GJB7: variants seen among roughly 807,000 people sequenced by gnomAD.
GJB7 encodes gap junction beta-7 protein.
For missense variants in GJB7, 253 were observed against 256.8 expected, an observed-to-expected ratio of 0.99 and a Z score of 0.10; for synonymous variants, 87 against 95.2, an observed-to-expected ratio of 0.91 and a Z score of 0.50.
At chr6:87,320,228 CTGA>C (rs765973673) in intron 2 of GJB7, among the ~76,000 whole-genome samples, 34 of 152,030 alleles carry the variant, frequency 2.2e-4, no homozygotes, top group Non-Finnish European at 4.4e-4. Context: ...CCCATTTACC[CTGA>C]TGTGATTATT....
intron 1 of GJB7, among the ~76,000 whole-genome samples, chr6:87,325,116 T>G (rs914016961): frequency 5.9e-5 from 9 of 152,220 alleles, no homozygotes; most frequent in Non-Finnish European, 1.2e-4. Flanking sequence ...ACATTGATTT[T>G]GTATCCTGAG....
intron 2 of GJB7, among the ~76,000 whole-genome samples, chr6:87,315,816 A>G (rs1022669674): frequency 6.7e-6 from 1 of 148,788 alleles, no homozygotes; most frequent in Admixed American, 6.7e-5. Flanking sequence ...AAAAAAAAAA[A>G]GAAAGAAAGA....
At position 87,283,999 on chromosome 6, in the gene GJB7, A is replaced by C. The variant is rs16878911; in HGVS notation, c.*242T>G. On this transcript the variant is annotated 3_prime_UTR_variant, in exon 3 of 3. Transcript: ENST00000525899. The stretch of plus-strand genomic sequence containing the variant: ...ACCTCTGTCTAGAGCTCATAACTGA[A>C]AGCATATTGACAATGTAAAAAAATT... The C allele has an allele frequency of 3.4e-3, 1,629 of 473,472 alleles. 27 individuals carry two copies. The highest frequency in any genetic ancestry group is 0.026 in the African/African-American group (1,379 of 52,040). The allele number at this position is 473,472 out of a possible 1,614,324, so 29.3% of individuals were successfully genotyped here.
chr6:87,284,470 C>G lies in GJB7; in HGVS notation c.443G>C (p.Gly148Ala), dbSNP rs149592706. The G allele has an allele frequency of 4.4e-4, 710 of 1,613,850 alleles. 1 individual carries two copies. Among genetic ancestry groups the G allele is most frequent in the Admixed American group, 8.0e-4 (48 of 60,002 alleles). The change falls in exon 3 of 3, where the codon GGC becomes GCC. Residue 148 changes from glycine to alanine, a missense_variant. Gly to Ala is a moderately conservative substitution (Grantham distance 60). Coordinates refer to ENST00000525899, the MANE Select transcript of GJB7 (RefSeq NM_198568.3). The stretch of plus-strand genomic sequence containing the variant: ...CTTTATAAGGTAGGGAACACTAAAG[C>G]CATCATATAGCTTATAAAATAAAAC... ...FLVLFYKLYD[G>A]FSVPYLIKCD...
chr6:87,300,016 G>C, intron 2 of GJB7: 1 of 335,270 alleles, frequency 3.0e-6, no homozygotes, highest in East Asian at 5.7e-5. Context: ...GAAAGACAGA[G>C]TTACAGATGC....
intron 2 of GJB7, among the ~76,000 whole-genome samples, chr6:87,292,345 T>C (rs1212659070): frequency 3.9e-5 from 6 of 152,226 alleles, no homozygotes; most frequent in Non-Finnish European, 8.8e-5. Flanking sequence ...AAAATAACAA[T>C]TTAAGTTAAT....
At position 87,284,203 on chromosome 6, in the gene GJB7, C is replaced by G; in HGVS notation, c.*38G>C. On this transcript the variant is annotated 3_prime_UTR_variant, in exon 3 of 3. Transcript: ENST00000525899. ...AGATTCTGGAGTAGGGGAGGGGTCC[C>G]TCTCCTACCACATTCAACATATCTG... The G allele has an allele frequency of 6.5e-7, 1 of 1,541,794 alleles. No homozygotes were observed. Among genetic ancestry groups the G allele is most frequent in the Non-Finnish European group, 8.9e-7 (1 of 1,127,582 alleles).
chr6:87,315,377 A>C (rs915568747), intron 2 of GJB7, among the ~76,000 whole-genome samples: 1 of 152,220 alleles, frequency 6.6e-6, no homozygotes, highest in Non-Finnish European at 1.5e-5. Flanking sequence ...GAGTTGTTCC[A>C]TGAGATTTGA....
At chr6:87,326,317 T>C (rs575013804) in intron 1 of GJB7, among the ~76,000 whole-genome samples, 1 of 152,350 alleles carries the variant, frequency 6.6e-6, no homozygotes, top group East Asian at 1.9e-4. Context: ...AGCTTTTGAA[T>C]GTGTTTGCTC....
At chr6:87,328,083 T>C (rs372349563) in intron 1 of GJB7, among the ~76,000 whole-genome samples, 1 of 152,204 alleles carries the variant, frequency 6.6e-6, no homozygotes, top group Non-Finnish European at 1.5e-5. Context: ...ACGTAGTTCT[T>C]GAGCCTTGGT....
intron 2 of GJB7, among the ~76,000 whole-genome samples, chr6:87,298,105 T>C (rs770198014): frequency 3.4e-4 from 51 of 152,236 alleles, no homozygotes; most frequent in Admixed American, 5.9e-4. Flanking sequence ...TCTCCTCCTA[T>C]TGGCTATGAC....
chr6:87,307,590 G>C (rs1776451989), intron 2 of GJB7, among the ~76,000 whole-genome samples: 1 of 152,156 alleles, frequency 6.6e-6, no homozygotes, highest in Admixed American at 6.5e-5. Flanking sequence ...CTTCTTAAAA[G>C]AAGACATTTA....
chr6:87,283,934 G>T lies in GJB7; in HGVS notation c.*307C>A. 2 of 220,932 alleles carry T rather than the reference G, an allele frequency of 9.1e-6. No individual in the cohort carries two copies. The highest frequency in any genetic ancestry group is 1.8e-5 in the Non-Finnish European group (2 of 112,142). The allele number at this position is 220,932 out of a possible 1,614,324, so 13.7% of individuals were successfully genotyped here. A position where few individuals can be genotyped will look rare whatever the true frequency, so the allele number is the denominator to read the frequency against. ...AATTACCTATTCTAAAACAACTAAT[G>T]TTATCCACATACTGGAGAACCCTAC... On this transcript the variant is annotated 3_prime_UTR_variant, in exon 3 of 3. Coordinates refer to ENST00000525899, the MANE Select transcript of GJB7 (RefSeq NM_198568.3).
intron 2 of GJB7, 78 bp downstream of exon 2, chr6:87,322,788 C>T (rs1420705189): frequency 6.6e-6 from 1 of 152,142 alleles, no homozygotes; most frequent in Non-Finnish European, 1.5e-5. Flanking sequence ...AAATCTTTGC[C>T]TCTCCGTGGA....
chr6:87,321,701 T>G (rs974621037), intron 2 of GJB7, among the ~76,000 whole-genome samples: 5 of 152,154 alleles, frequency 3.3e-5, no homozygotes, highest in African/African-American at 1.2e-4. Context: ...AAGAACCACC[T>G]GAGGCTGGGT....
Position 87,304,966 on chromosome 6 carries a change from A to C in GJB7, c.-28+17900T>G, listed in dbSNP as rs561249948. ...TAGATGCAGAAAAGGCCTTTGAGAA[A>C]ATTCAACAGCCCTTCATGCTAAAAA... is the stretch of plus-strand genomic sequence containing the variant. On this transcript the variant is annotated intron_variant, in intron 2 of 2. Coordinates refer to ENST00000525899, the MANE Select transcript of GJB7 (RefSeq NM_198568.3). Among the ~76,000 whole-genome samples the C allele has an allele frequency of 2.6e-5, 4 of 152,380 alleles. No individual in the cohort carries two copies. The East Asian group carries it at 7.7e-4, about 29-fold the overall frequency.
chr6:87,305,115 T>C (rs954507502), intron 2 of GJB7, among the ~76,000 whole-genome samples: 5 of 152,202 alleles, frequency 3.3e-5, no homozygotes, highest in South Asian at 4.2e-4. Context: ...AAAACTGGCA[T>C]AAGATAGGTT....
intron 2 of GJB7, among the ~76,000 whole-genome samples, chr6:87,314,594 C>A (rs189791944): frequency 1.2e-3 from 187 of 152,316 alleles, no homozygotes; most frequent in African/African-American, 3.4e-3. Flanking sequence ...GTTCCACTCT[C>A]TTCCACTTAG....
chr6:87,288,271 GA>G (rs1018083035), intron 2 of GJB7, among the ~76,000 whole-genome samples: 3 of 151,954 alleles, frequency 2.0e-5, no homozygotes, highest in Non-Finnish European at 4.4e-5. Context: ...AATTAAATCT[GA>G]AAAAAATAAA....
Sources: allele counts gnomAD v4.1 joint callset (sites outside exome capture counted in the v4.1 genomes callset), GRCh38; gene constraint gnomAD v4.1.1; transcripts MANE v1.5; gene names NCBI Gene and HGNC (gene_info 2026-07-23, HGNC 2026-07-21).